Variants in SGCZ observed in about 807,000 individuals in gnomAD.
SGCZ encodes sarcoglycan zeta, also known as zeta-sarcoglycan.
A neutral mutation model predicts 41.3 loss-of-function variants in SGCZ; 40 were observed. The ratio of observed to expected loss-of-function variants is 0.97; its 90% CI spans 0.75 to 1.26. The LOEUF is 1.26. Ranked by LOEUF, SGCZ falls within the 50% of genes most tolerant of loss-of-function variation. SGCZ has a pLI of 0.00. For synonymous variants in SGCZ, 206 were observed against 137.5 expected, an observed-to-expected ratio of 1.50 and a Z score of -3.49; for missense variants, 552 against 369.8, an observed-to-expected ratio of 1.49 and a Z score of -4.04.
chr8:14,812,350 A>C (rs1307103836), intron 1 of SGCZ, among the ~76,000 whole-genome samples: 2 of 152,102 alleles, frequency 1.3e-5, no homozygotes, highest in Non-Finnish European at 2.9e-5. Context: ...TTGGCAATAA[A>C]TTTAATATTC....
intron 1 of SGCZ, among the ~76,000 whole-genome samples, chr8:14,917,877 A>C (rs1799483981): frequency 6.6e-6 from 1 of 152,166 alleles, no homozygotes; most frequent in Non-Finnish European, 1.5e-5. Context: ...ATAATGCATA[A>C]TATTTGACTT....
chr8:14,660,404 T>G (rs1247658445), intron 1 of SGCZ, among the ~76,000 whole-genome samples: 1 of 151,556 alleles, frequency 6.6e-6, no homozygotes, highest in African/African-American at 2.4e-5. Context: ...AAACCTCATC[T>G]CTACTAAAAA....
intron 3 of SGCZ, among the ~76,000 whole-genome samples, chr8:14,253,869 G>C (rs1170670111): frequency 6.6e-6 from 1 of 152,024 alleles, no homozygotes; most frequent in Non-Finnish European, 1.5e-5. Flanking sequence ...TCTCCTAGTG[G>C]AGAAATAACC....
At chr8:15,237,333 G>C (rs868008898) in intron 1 of SGCZ, among the ~76,000 whole-genome samples, 10 of 152,322 alleles carry the variant, frequency 6.6e-5, no homozygotes, top group Middle Eastern at 3.4e-3. Context: ...AGGAGGACGG[G>C]GTGGCCGCTG....
intron 1 of SGCZ, among the ~76,000 whole-genome samples, chr8:15,102,753 G>A (rs957144450): frequency 3.9e-5 from 6 of 152,064 alleles, no homozygotes; most frequent in Non-Finnish European, 7.4e-5. Flanking sequence ...TGTGTATGGA[G>A]ATTATTAAAA....
intron 1 of SGCZ, among the ~76,000 whole-genome samples, chr8:14,899,133 T>C (rs1005880239): frequency 2.0e-5 from 3 of 152,186 alleles, no homozygotes; most frequent in African/African-American, 7.2e-5. Flanking sequence ...GCCTTGATCA[T>C]AGTTTATCAA....
chr8:15,209,916 G>A (rs958477955), intron 1 of SGCZ, among the ~76,000 whole-genome samples: 2 of 152,192 alleles, frequency 1.3e-5, no homozygotes, highest in African/African-American at 2.4e-5. Flanking sequence ...AGCATAGGAT[G>A]TAATTTTGAC....
rs73664122 is a variant in SGCZ, at chr8:14,144,290, A to G, written c.547+20290T>C. Reference sequence around the variant, plus strand: ...GGACATCTTGGATACCAGCTTAGTCACAGCAAGATAAGTCATAGTCAGAGT... The same window carrying G: ...GGACATCTTGGATACCAGCTTAGTCGCAGCAAGATAAGTCATAGTCAGAGT... On this transcript the variant is annotated intron_variant, in intron 5 of 7. Coordinates refer to ENST00000382080, the MANE Select transcript of SGCZ (RefSeq NM_139167.4). Among the ~76,000 whole-genome samples the G allele has an allele frequency of 3.1e-3, 472 of 152,322 alleles. 2 individuals carry two copies. Among genetic ancestry groups the G allele is most frequent in the African/African-American group, 0.011 (443 of 41,572 alleles).
At position 14,936,549 on chromosome 8, in the gene SGCZ, A is replaced by C. The variant is rs188594172; in HGVS notation, c.39+301036T>G. 1.0e-3 allele frequency among the ~76,000 whole-genome samples: 158 copies of C among 152,050 alleles called. No individual in the cohort carries two copies. In the Middle Eastern group the frequency reaches 0.014, roughly 13 times the overall value. ...TCACTTTTGCACCACCATGAAGTCA[A>C]AAAATTTTAAGTTGGACTTTTGTAA... On this transcript the variant is annotated intron_variant, in intron 1 of 7. Transcript: ENST00000382080.
At chr8:14,743,441 C>T (rs1397300) in intron 1 of SGCZ, among the ~76,000 whole-genome samples, 70,145 of 151,784 alleles carry the variant, frequency 0.46, 16,902 homozygotes, top group Non-Finnish European at 0.54. Context: ...TTTTCATATA[C>T]TGTGCCCTAT....
intron 6 of SGCZ, among the ~76,000 whole-genome samples, chr8:14,106,591 T>C (rs1297071261): frequency 6.6e-6 from 1 of 152,226 alleles, no homozygotes; most frequent in Non-Finnish European, 1.5e-5. Context: ...TATGGTTTCG[T>C]TGCCTTAAAG....
At chr8:14,224,506 C>A (rs1806305635) in intron 4 of SGCZ, among the ~76,000 whole-genome samples, 1 of 152,146 alleles carries the variant, frequency 6.6e-6, no homozygotes, top group Non-Finnish European at 1.5e-5. Context: ...AAATCAGGGT[C>A]ACCATTTAGT....
At chr8:14,678,771 G>A (rs1259883757) in intron 1 of SGCZ, among the ~76,000 whole-genome samples, 2 of 152,124 alleles carry the variant, frequency 1.3e-5, no homozygotes, top group African/African-American at 4.8e-5. Context: ...AAAAAACTTG[G>A]AAGCAACCAA....
intron 1 of SGCZ, among the ~76,000 whole-genome samples, chr8:14,638,178 G>C (rs1806898871): frequency 6.6e-6 from 1 of 151,822 alleles, no homozygotes; most frequent in African/African-American, 2.4e-5. Flanking sequence ...CATAGCCAAA[G>C]ATTCTTACAT....
At chr8:14,094,033 A>C (rs1423938989) in intron 7 of SGCZ, among the ~76,000 whole-genome samples, 2 of 152,014 alleles carry the variant, frequency 1.3e-5, no homozygotes, top group Non-Finnish European at 2.9e-5. Flanking sequence ...CCTTGAACAC[A>C]TCTCTCCCCT....
At position 14,719,483 on chromosome 8, in the gene SGCZ, G is replaced by A. The variant is rs917400946; in HGVS notation, c.40-164557C>T. On this transcript the variant is annotated intron_variant, in intron 1 of 7. Coordinates refer to ENST00000382080, the MANE Select transcript of SGCZ (RefSeq NM_139167.4). ...ACAGTCCCACCAATAGTGTAAAAGT[G>A]TTCCTATTTCTCCACATCCTCTCCA... 1.7e-3 allele frequency among the ~76,000 whole-genome samples: 257 copies of A among 151,106 alleles called. 3 individuals carry two copies. The highest frequency in any genetic ancestry group is 2.5e-3 in the Non-Finnish European group (169 of 67,658).
In SGCZ at chr8:14,847,687, G is replaced by A. The variant is rs148951397; in HGVS notation, c.40-292761C>T. Among the ~76,000 whole-genome samples, 78 of 131,952 alleles carry A rather than the reference G, an allele frequency of 5.9e-4. 1 individual carries two copies. Among genetic ancestry groups the A allele is most frequent in the Middle Eastern group, 7.6e-3 (2 of 262 alleles). 86.6% of individuals were successfully genotyped at this position (131,952 alleles called of 152,430 possible). A position where few individuals can be genotyped will look rare whatever the true frequency, so the allele number is the denominator to read the frequency against. ...GGAAGGAAGGAAAGATGGAGGGAGG[G>A]AGGAGGGGAGGAGAGGAGGGAGGGG... On this transcript the variant is annotated intron_variant, in intron 1 of 7. Coordinates refer to ENST00000382080, the MANE Select transcript of SGCZ (RefSeq NM_139167.4).
intron 5 of SGCZ, among the ~76,000 whole-genome samples, chr8:14,108,551 A>G (rs1455423135): frequency 6.6e-6 from 1 of 152,132 alleles, no homozygotes; most frequent in Non-Finnish European, 1.5e-5. Flanking sequence ...TAATACCATC[A>G]GATCTCGTGA....
At chr8:14,376,812 T>A (rs973044011) in intron 2 of SGCZ, among the ~76,000 whole-genome samples, 19 of 152,230 alleles carry the variant, frequency 1.2e-4, no homozygotes, top group African/African-American at 4.1e-4. Flanking sequence ...CAACATTACA[T>A]GAAAAAATGA....
Sources: gnomAD v4.1 joint callset for allele counts (sites outside exome capture counted in the v4.1 genomes callset) on GRCh38, gnomAD v4.1.1 for gene constraint, MANE v1.5 for transcripts, NCBI Gene and HGNC (gene_info 2026-07-23, HGNC 2026-07-21) for gene names.